Variants in RHBDF1 observed in about 807,000 individuals in gnomAD.
RHBDF1 encodes the protein rhomboid 5 homolog 1.
RHBDF1 carries 80 observed loss-of-function variants against 98.6 expected under a neutral mutation model. That is an observed-to-expected ratio of 0.81 (90% CI 0.68 to 0.98). The LOEUF (loss-of-function observed/expected upper bound fraction) is 0.98, where lower values mean the gene tolerates loss of function less well. Ranked by LOEUF, RHBDF1 falls within the 50% of genes least tolerant of loss-of-function variation. RHBDF1 has a pLI of 0.00. For missense variants in RHBDF1, 1,116 were observed against 1,198.3 expected, an observed-to-expected ratio of 0.93 and a Z score of 1.01; for synonymous variants, 512 against 486.8, an observed-to-expected ratio of 1.05 and a Z score of -0.68.
chr16:59,620 C>A, intron 14 of RHBDF1, 112 bp downstream of exon 14: 1 of 1,487,942 alleles, frequency 6.7e-7, no homozygotes, highest in Non-Finnish European at 9.1e-7. Context: ...CCCCTCTAAC[C>A]CCACATCCTT....
In RHBDF1 at chr16:58,747, C is replaced by A. The variant is rs750583403; in HGVS notation, c.2161G>T (p.Gly721Cys). Residue 721 changes from glycine (G) to cysteine (C), a missense_variant, in exon 18 of 18, where the codon GGC (glycine) becomes TGC (cysteine). Transcript: ENST00000262316. ...CAGGCCAGGATGCCGAACTGGGAGCCAGCAGGACCCACCTGGGGGATGGTT... is the reference window on the plus strand; with the variant it reads ...CAGGCCAGGATGCCGAACTGGGAGCAAGCAGGACCCACCTGGGGGATGGTT... ...LPYRAEVGPA[G>C]SQFGILACLF... 6.2e-7 allele frequency: 1 copy of A among 1,612,306 alleles called. No individual in the cohort carries two copies. Among genetic ancestry groups the A allele is most frequent in the Non-Finnish European group, 8.5e-7 (1 of 1,179,584 alleles).
In RHBDF1 at chr16:71,991, CCCAGCT is replaced by C. The variant is rs555413966; in HGVS notation, c.-25+516_-25+521del. 1.2e-3 allele frequency among the ~76,000 whole-genome samples: 189 copies of C among 152,350 alleles called. 2 individuals are homozygous for C. Among genetic ancestry groups the C allele is most frequent in the African/African-American group, 4.3e-3 (178 of 41,596 alleles). Reference sequence around the variant, plus strand: ...CAGAAGGCGGAGTCAGTCCCCCACCCCCAGCTCCACGGCTCCTGCTATTCCCATCGG... The same window carrying C: ...CAGAAGGCGGAGTCAGTCCCCCACCCCCACGGCTCCTGCTATTCCCATCGG... On this transcript the variant is annotated intron_variant, in intron 1 of 17. Transcript: ENST00000262316.
At chr16:66,627 T>G (rs1417266002) in intron 1 of RHBDF1, among the ~76,000 whole-genome samples, 8 of 152,102 alleles carry the variant, frequency 5.3e-5, no homozygotes, top group Admixed American at 5.2e-4. Context: ...ACCCCACCCC[T>G]CACGCTCCAG....
intron 1 of RHBDF1, 89 bp downstream of exon 1, chr16:72,424 C>G: frequency 1.6e-6 from 1 of 622,638 alleles, no homozygotes; most frequent in Non-Finnish European, 1.9e-6. Flanking sequence ...GCTCCGGCCC[C>G]GGGTGCTGAG....
chr16:66,435 C>T (rs1897832004), intron 1 of RHBDF1, among the ~76,000 whole-genome samples: 1 of 152,160 alleles, frequency 6.6e-6, no homozygotes, highest in South Asian at 2.1e-4. Context: ...GGGTGCTGCT[C>T]ACAGCTCCTA....
chr16:62,750 G>A, intron 6 of RHBDF1, 25 bp downstream of exon 6: 1 of 1,614,058 alleles, frequency 6.2e-7, no homozygotes, highest in East Asian at 2.2e-5. Flanking sequence ...ACGTGGGGTG[G>A]GGGGACACCC....
rs771319102 is a variant in RHBDF1 at position 59,484 on chromosome 16, T to C, written c.1828A>G (p.Thr610Ala). The change falls in exon 15 of 18, where the codon ACC becomes GCC. Residue 610 changes from threonine to alanine, a missense_variant. Thr to Ala is a moderately conservative substitution (Grantham distance 58). Coordinates refer to ENST00000262316, the MANE Select transcript of RHBDF1 (RefSeq NM_022450.5). The stretch of plus-strand genomic sequence containing the variant: ...ATGAAGTCACAGTACTCCCGGGAGG[T>C]GATCTCACACCTAGAAAGGCAGGCC... Reference protein sequence around the residue: ...CIGTKGRCEITSREYCDFMRG... With the variant: ...CIGTKGRCEIASREYCDFMRG... 8.7e-6 allele frequency: 14 copies of C among 1,612,996 alleles called. No individual in the cohort carries two copies. In the South Asian group the frequency reaches 1.4e-4, roughly 16 times the overall value.
In RHBDF1 at chr16:59,100, G is replaced by A; in HGVS notation, c.2022C>T (p.Cys674=). The A allele has an allele frequency of 1.2e-6, 2 of 1,613,608 alleles. No homozygotes were observed. The highest frequency in any genetic ancestry group is 1.7e-6 in the Non-Finnish European group (2 of 1,180,012). The stretch of plus-strand genomic sequence containing the variant: ...GGTCCCGCAGGACAGTCATCTGGAA[G>A]CAGATGGACACCAGGCAGTGCAAGA... ...AGILHCLVSI[C]FQMTVLRDLE... Residue 674 remains cysteine (C), a synonymous_variant, in exon 17 of 18, where the codon TGC becomes TGT. Transcript: ENST00000262316.
chr16:60,031 G>C (rs1032643395), intron 13 of RHBDF1, 185 bp downstream of exon 13: 31 of 1,476,314 alleles, frequency 2.1e-5, no homozygotes. Context: ...TAGTTCTCTT[G>C]ATCTACTTGC....
chr16:63,332 G>T, intron 4 of RHBDF1, 150 bp from the exon 5 acceptor site: 1 of 719,638 alleles, frequency 1.4e-6, no homozygotes, highest in Non-Finnish European at 2.2e-6. Context: ...CCACCCCACA[G>T]CACCTAGAGG....
At chr16:69,067 T>C (rs959856034) in intron 1 of RHBDF1, among the ~76,000 whole-genome samples, 3 of 152,056 alleles carry the variant, frequency 2.0e-5, no homozygotes, top group African/African-American at 4.8e-5. Flanking sequence ...CTGTGGGTAC[T>C]TGGCACTCTC....
chr16:73,713 GC>G (rs529083714), upstream of RHBDF1, among the ~76,000 whole-genome samples: 1,262 of 152,164 alleles, frequency 8.3e-3, 11 homozygotes, highest in Admixed American at 0.012. Flanking sequence ...TCTACAGGGT[GC>G]CCCCCCATGC....
rs1402850957 is a variant in RHBDF1 at position 61,796 on chromosome 16, A to C, written c.1208+2T>G. 6.2e-7 allele frequency: 1 copy of C among 1,612,508 alleles called. No homozygotes were observed. The highest frequency in any genetic ancestry group is 1.7e-5 in the Admixed American group (1 of 59,984). On this transcript the variant is annotated splice_donor_variant, in intron 8 of 17. Transcript: ENST00000262316. LOFTEE classifies it high-confidence loss of function. ...AACCCAGGCCTTGCCTGCCACGCCTACCTGTGGTCGTCCATGTCCTCGATC... is the reference window on the plus strand; with the variant it reads ...AACCCAGGCCTTGCCTGCCACGCCTCCCTGTGGTCGTCCATGTCCTCGATC...
chr16:72,723 G>A, upstream of RHBDF1: 1 of 982,892 alleles, frequency 1.0e-6, no homozygotes, highest in Non-Finnish European at 1.2e-6. Flanking sequence ...CCGCCCGCCT[G>A]CCCGGCCCAA....
chr16:60,469 T>C lies in RHBDF1; in HGVS notation c.1628A>G (p.Gln543Arg), dbSNP rs780823768. 11 of 1,612,104 alleles carry C rather than the reference T, an allele frequency of 6.8e-6. No homozygotes were observed. The highest frequency in any genetic ancestry group is 8.5e-6 in the Non-Finnish European group (10 of 1,179,992). The part of the protein sequence containing the change: ...SAPELAGHKR[Q>R]FGSVCHQDPR... ...ATCCTGGTGGCAGACAGAGCCAAAC[T>C]GTCTCTTGTGGCCCGCAAGCTCTGG... The change falls in exon 12 of 18, where the codon CAG becomes CGG. Residue 543 changes from glutamine (Q) to arginine (R), a missense_variant. Coordinates refer to ENST00000262316, the MANE Select transcript of RHBDF1 (RefSeq NM_022450.5).
At chr16:70,601 G>A (rs1187318025) in intron 1 of RHBDF1, among the ~76,000 whole-genome samples, 1 of 152,224 alleles carries the variant, frequency 6.6e-6, no homozygotes, top group Non-Finnish European at 1.5e-5. Context: ...TGATCACACT[G>A]GTCTGTCTAA....
chr16:65,213 CA>C (rs1362406913), intron 1 of RHBDF1, among the ~76,000 whole-genome samples, 174 bp from the exon 2 acceptor site: 1 of 152,238 alleles, frequency 6.6e-6, no homozygotes, highest in African/African-American at 2.4e-5. Context: ...CTGCCTTGTT[CA>C]TCCCAGCAGA....
rs748661372 is a variant in RHBDF1, at chr16:64,713, T to C, written c.234A>G (p.Thr78=). 3 of 1,612,650 alleles carry C rather than the reference T, an allele frequency of 1.9e-6. No homozygotes were observed. In the South Asian group the frequency reaches 3.3e-5, roughly 18 times the overall value. Residue 78 remains threonine (T), a synonymous_variant, in exon 3 of 18, where the codon ACA becomes ACG. Transcript: ENST00000262316. Reference sequence around the variant, plus strand: ...GGTGTTGGTACCTGCGGATGGTCTGTGTGATGGACGTCTGGCGTTGCAGCA... The same window carrying C: ...GGTGTTGGTACCTGCGGATGGTCTGCGTGATGGACGTCTGGCGTTGCAGCA... The part of the protein sequence containing the change: ...RPVLQRQTSI[T]QTIRRGTADW...
In RHBDF1 at chr16:58,151, A is replaced by G; in HGVS notation, c.*189T>C. On this transcript the variant is annotated 3_prime_UTR_variant, in exon 18 of 18. Transcript: ENST00000262316. The stretch of plus-strand genomic sequence containing the variant: ...AAGTTAGAAGGTTATGACAGGAAGT[A>G]GTATAATAAATGCCCGGCAGTACGA... 1.7e-6 allele frequency: 1 copy of G among 583,308 alleles called. No individual in the cohort carries two copies. The allele number at this position is 583,308 out of a possible 1,614,324, so 36.1% of individuals were successfully genotyped here. A position where few individuals can be genotyped will look rare whatever the true frequency, so the allele number is the denominator to read the frequency against.
Sources: allele counts gnomAD v4.1 joint callset (sites outside exome capture counted in the v4.1 genomes callset), GRCh38; gene constraint gnomAD v4.1.1; transcripts MANE v1.5; gene names NCBI Gene and HGNC (gene_info 2026-07-23, HGNC 2026-07-21).